The following CACNA1C variants were observed in gnomAD, a reference collection of about 807,000 sequenced individuals.
CACNA1C encodes voltage-dependent L-type calcium channel subunit alpha-1C.
Under a neutral mutation model 229.0 loss-of-function variants are expected in CACNA1C, and 30 were observed. The observed-to-expected ratio is 0.13, with a 90% CI of 0.10 to 0.18. The LOEUF (loss-of-function observed/expected upper bound fraction) is 0.18, where lower values mean the gene tolerates loss of function less well. Among genes scored for constraint, CACNA1C ranks in the 10% least tolerant of loss-of-function variants. CACNA1C has a pLI of 1.00. For missense variants in CACNA1C, 1,658 were observed against 2,845.0 expected, an observed-to-expected ratio of 0.58 and a Z score of 9.49; for synonymous variants, 1,114 against 1,132.5, an observed-to-expected ratio of 0.98 and a Z score of 0.33.
chr12:2,607,805 T>C (rs899061609), intron 26 of CACNA1C: 2 of 152,224 alleles, frequency 1.3e-5, no homozygotes, highest in African/African-American at 4.8e-5. Context: ...GTCAGAAAAT[T>C]CTAAATGTTT....
intron 3 of CACNA1C, among the ~76,000 whole-genome samples, chr12:2,395,551 A>G (rs1122785): frequency 0.064 from 9,737 of 152,066 alleles, 337 homozygotes; most frequent in African/African-American, 0.098. Flanking sequence ...AGACAGAGGG[A>G]CTCAGTGCGC....
chr12:2,258,159 G>C (rs1426075811), intron 3 of CACNA1C, among the ~76,000 whole-genome samples: 2 of 152,162 alleles, frequency 1.3e-5, no homozygotes, highest in Non-Finnish European at 2.9e-5. Context: ...CCTTAATAAT[G>C]ACATCTTATT....
At chr12:2,310,024 G>C (rs1219967040) in intron 3 of CACNA1C, among the ~76,000 whole-genome samples, 1 of 152,184 alleles carries the variant, frequency 6.6e-6, no homozygotes, top group Non-Finnish European at 1.5e-5. Context: ...TGGTGGCCTG[G>C]AAGTCTATAA....
chr12:2,617,978 A>G (rs1376098369), intron 29 of CACNA1C, among the ~76,000 whole-genome samples: 2 of 152,222 alleles, frequency 1.3e-5, no homozygotes, highest in African/African-American at 4.8e-5. Context: ...CTTTCGTCAC[A>G]TGACCCGAAG....
At chr12:2,042,921 G>A (rs2050377058) in intron 1 of CACNA1C, among the ~76,000 whole-genome samples, 1 of 152,178 alleles carries the variant, frequency 6.6e-6, no homozygotes, top group Non-Finnish European at 1.5e-5. Context: ...GTTTGCATAA[G>A]CTATTCAATA....
At chr12:2,221,859 A>C (rs903697347) in intron 3 of CACNA1C, among the ~76,000 whole-genome samples, 2 of 152,248 alleles carry the variant, frequency 1.3e-5, no homozygotes, top group Admixed American at 1.3e-4. Flanking sequence ...CCATGTAGCC[A>C]TTCAAATGAT....
intron 3 of CACNA1C, among the ~76,000 whole-genome samples, chr12:2,350,011 G>A (rs577579284): frequency 3.3e-5 from 5 of 152,288 alleles, no homozygotes; most frequent in Middle Eastern, 3.4e-3. Context: ...CAGCATTCAC[G>A]AAAGGTTTCA....
chr12:2,611,847 G>A, intron 28 of CACNA1C, 56 bp from the exon 29 acceptor site: 2 of 1,113,674 alleles, frequency 1.8e-6, no homozygotes, highest in Non-Finnish European at 2.7e-6. Flanking sequence ...AAAAGGTGGG[G>A]AGGAGGAGCG....
intron 3 of CACNA1C, among the ~76,000 whole-genome samples, chr12:2,191,712 TCATACAGGCACACACGTA>T (rs1309807644): frequency 2.7e-5 from 4 of 146,934 alleles, no homozygotes; most frequent in Non-Finnish European, 6.0e-5. Context: ...ACACATGGTC[TCATACAGGCACACACGTA>T]CACACAGGCA....
chr12:2,478,361 G>A (rs548196381), intron 5 of CACNA1C, among the ~76,000 whole-genome samples: 84 of 152,250 alleles, frequency 5.5e-4, no homozygotes, highest in African/African-American at 2.0e-3. Context: ...GATGGCCAGC[G>A]TGCCCTAGGG....
At chr12:2,636,740 G>A (rs1364388518) in intron 30 of CACNA1C, among the ~76,000 whole-genome samples, 1 of 152,164 alleles carries the variant, frequency 6.6e-6, no homozygotes, top group Non-Finnish European at 1.5e-5. Context: ...CCCTCCTGGT[G>A]TACTGCCACT....
At position 2,147,779 on chromosome 12, in the gene CACNA1C, G is replaced by C; in HGVS notation, c.477+27349G>C. Among the ~76,000 whole-genome samples the C allele has an allele frequency of 1.3e-5, 2 of 149,336 alleles. 1 individual carries two copies. Among genetic ancestry groups the C allele is most frequent in the Non-Finnish European group, 3.0e-5 (2 of 66,942 alleles). On this transcript the variant is annotated intron_variant, in intron 3 of 46. Coordinates refer to ENST00000399655, the MANE Select transcript of CACNA1C (RefSeq NM_000719.7). ...TTCTTTCTACTCTCAAATGTTTTGG[G>C]GGGATTTTGGGGGGGCAAATAGGCA...
chr12:2,491,618 A>G (rs2099734646), intron 6 of CACNA1C, among the ~76,000 whole-genome samples: 1 of 150,244 alleles, frequency 6.7e-6, no homozygotes, highest in Non-Finnish European at 1.5e-5. Context: ...GGAGAGAAAG[A>G]GAGGAGAGGA....
intron 1 of CACNA1C, among the ~76,000 whole-genome samples, chr12:2,043,014 G>C (rs2050400535): frequency 6.6e-6 from 1 of 152,108 alleles, no homozygotes; most frequent in East Asian, 1.9e-4. Flanking sequence ...TGTTTCATCT[G>C]GATAATCAGT....
intron 3 of CACNA1C, among the ~76,000 whole-genome samples, chr12:2,421,753 T>C (rs1449737641): frequency 1.3e-5 from 2 of 152,026 alleles, no homozygotes; most frequent in African/African-American, 2.4e-5. Context: ...TCTACCAAAA[T>C]ACAAAAAATT....
At chr12:2,360,166 A>ACCCC (rs2097522085) in intron 3 of CACNA1C, among the ~76,000 whole-genome samples, 1 of 32,438 alleles carries the variant, frequency 3.1e-5, no homozygotes, top group African/African-American at 1.2e-4. Flanking sequence ...ACCCCCCCCC[A>ACCCC]CCCCCCCACC....
intron 7 of CACNA1C, among the ~76,000 whole-genome samples, chr12:2,500,325 C>T (rs967629934): frequency 1.1e-4 from 16 of 152,184 alleles, no homozygotes; most frequent in African/African-American, 3.9e-4. Flanking sequence ...TGCTGGAAGC[C>T]TCTCACCTTG....
intron 3 of CACNA1C, among the ~76,000 whole-genome samples, chr12:2,162,213 G>T (rs1056331936): frequency 5.3e-5 from 8 of 151,964 alleles, no homozygotes; most frequent in Admixed American, 2.6e-4. Flanking sequence ...TGGCAAAGAG[G>T]TTGTCCCTTT....
At chr12:2,553,752 A>C (rs1257398150) in intron 10 of CACNA1C, among the ~76,000 whole-genome samples, 1 of 152,212 alleles carries the variant, frequency 6.6e-6, no homozygotes, top group Non-Finnish European at 1.5e-5. Flanking sequence ...CTGGTGTTAA[A>C]GGGTGAGAGT....
Sources: gnomAD v4.1 joint callset for allele counts (sites outside exome capture counted in the v4.1 genomes callset) on GRCh38, gnomAD v4.1.1 for gene constraint, MANE v1.5 for transcripts, NCBI Gene and HGNC (gene_info 2026-07-23, HGNC 2026-07-21) for gene names.